The following ZSWIM6 variants were observed in gnomAD, a reference collection of about 807,000 sequenced individuals.
The protein encoded by ZSWIM6 is zinc finger SWIM-type containing 6, also known as zinc finger SWIM domain-containing protein 6.
ZSWIM6 carries 9 observed loss-of-function variants against 113.2 expected under a neutral mutation model. The ratio of observed to expected loss-of-function variants is 0.08; its 90% CI spans 0.05 to 0.14. ZSWIM6 has a LOEUF of 0.14. ZSWIM6 is among the 10% of genes least tolerant of loss of function. The pLI is 1.00. For missense variants in ZSWIM6, 1,162 were observed against 1,552.2 expected (o/e 0.75, Z 4.22); for synonymous variants, 611 against 606.5 (o/e 1.01, Z -0.11).
chr5:61,452,645 C>T (rs1747109524), intron 1 of ZSWIM6, among the ~76,000 whole-genome samples: 1 of 152,098 alleles, frequency 6.6e-6, no homozygotes, highest in Non-Finnish European at 1.5e-5. Flanking sequence ...AGAGAGTTCC[C>T]ATATACTCTT....
At chr5:61,452,996 C>T (rs1302575722) in intron 1 of ZSWIM6, among the ~76,000 whole-genome samples, 1 of 152,134 alleles carries the variant, frequency 6.6e-6, no homozygotes, top group African/African-American at 2.4e-5. Context: ...TAGATTGAGA[C>T]TGTGTGATTT....
chr5:61,332,706 G>A lies in ZSWIM6; in HGVS notation c.434G>A (p.Gly145Asp), dbSNP rs1339874240. 1 of 971,998 alleles carries A rather than the reference G, an allele frequency of 1.0e-6. No individual in the cohort carries two copies. Among genetic ancestry groups the A allele is most frequent in the Non-Finnish European group, 1.2e-6 (1 of 823,200 alleles). The allele number at this position is 971,998 out of a possible 1,614,324, so 60.2% of individuals were successfully genotyped here. The change falls in exon 1 of 14, where the codon GGC becomes GAC. Residue 145 changes from glycine to aspartate, a missense_variant. Coordinates refer to ENST00000252744, the MANE Select transcript of ZSWIM6 (RefSeq NM_020928.2). ...CCCGGCGACGACAGCGGTGGCGGCG[G>A]CGGCGCGGGCGGCGGCGGCGGCGGC... ...GGPGDDSGGG[G>D]GAGGGGGGGS...
At chr5:61,432,256 A>G (rs1387474710) in intron 1 of ZSWIM6, among the ~76,000 whole-genome samples, 2 of 152,240 alleles carry the variant, frequency 1.3e-5, no homozygotes, top group African/African-American at 4.8e-5. Flanking sequence ...ACAATTGTGT[A>G]TACACAACCG....
chr5:61,347,730 T>C (rs988622185), intron 1 of ZSWIM6: 1 of 152,212 alleles, frequency 6.6e-6, no homozygotes, highest in African/African-American at 2.4e-5. Flanking sequence ...GAAAACTGTA[T>C]TGTTTGTGAA....
chr5:61,412,050 A>G (rs1746158512), intron 1 of ZSWIM6, among the ~76,000 whole-genome samples: 1 of 152,234 alleles, frequency 6.6e-6, no homozygotes, highest in African/African-American at 2.4e-5. Flanking sequence ...TGAAAAATTG[A>G]TCTTTGTTAT....
intron 4 of ZSWIM6, among the ~76,000 whole-genome samples, chr5:61,502,184 C>T (rs1264664887): frequency 6.6e-6 from 1 of 152,124 alleles, no homozygotes; most frequent in African/African-American, 2.4e-5. Flanking sequence ...TTCCCAGGGG[C>T]TTCACAGAGA....
chr5:61,404,033 A>T (rs1745994935), intron 1 of ZSWIM6, among the ~76,000 whole-genome samples: 4 of 148,110 alleles, frequency 2.7e-5, no homozygotes, highest in Admixed American at 2.0e-4. Context: ...TTTGAGACGG[A>T]GTCTCGCTCT....
At position 61,546,043 on chromosome 5, in the gene ZSWIM6, C is replaced by T. The variant is rs1749880047; in HGVS notation, c.*1726C>T. 1 of 152,098 alleles carries T rather than the reference C, an allele frequency of 6.6e-6. No homozygotes were observed. Among genetic ancestry groups the T allele is most frequent in the Non-Finnish European group, 1.5e-5 (1 of 68,022 alleles). 9.4% of individuals were successfully genotyped at this position (152,098 alleles called of 1,614,324 possible). ...AATTCATCACCCATGTAAACATGCT[C>T]ATGAAGTTGAAAGTAATTAAGATTT... On this transcript the variant is annotated 3_prime_UTR_variant, in exon 14 of 14. Transcript: ENST00000252744.
At chr5:61,491,860 A>G (rs761623637) in intron 3 of ZSWIM6, among the ~76,000 whole-genome samples, 18 of 152,002 alleles carry the variant, frequency 1.2e-4, no homozygotes, top group Non-Finnish European at 1.9e-4. Context: ...GTTACTGGGT[A>G]TGGCCAGGAA....
At chr5:61,390,919 CA>C in intron 1 of ZSWIM6, 1 of 845,166 alleles carries the variant, frequency 1.2e-6, no homozygotes. Context: ...CCATAGTGGA[CA>C]AAGGCCCCCA....
At chr5:61,366,529 C>T (rs1445360703) in intron 1 of ZSWIM6, among the ~76,000 whole-genome samples, 2 of 152,252 alleles carry the variant, frequency 1.3e-5, no homozygotes, top group Non-Finnish European at 2.9e-5. Flanking sequence ...GACCCAGAAT[C>T]TTCTCTTAGA....
At chr5:61,383,578 C>A (rs73107409) in intron 1 of ZSWIM6, among the ~76,000 whole-genome samples, 12,255 of 151,928 alleles carry the variant, frequency 0.081, 719 homozygotes, top group South Asian at 0.19. Context: ...CTCTGTTGCC[C>A]AGGCTGGAGT....
intron 4 of ZSWIM6, among the ~76,000 whole-genome samples, chr5:61,502,156 G>A (rs1424694059): frequency 2.0e-5 from 3 of 152,122 alleles, no homozygotes; most frequent in Non-Finnish European, 2.9e-5. Context: ...GAGAAGCTTC[G>A]TTTTAAGCCA....
intron 1 of ZSWIM6, among the ~76,000 whole-genome samples, chr5:61,439,503 A>G (rs1274128332): frequency 2.6e-5 from 4 of 152,364 alleles, no homozygotes; most frequent in South Asian, 2.1e-4. Flanking sequence ...AAACATGTCA[A>G]CAGTTAAACA....
intron 1 of ZSWIM6, among the ~76,000 whole-genome samples, chr5:61,394,335 A>C (rs1745794379): frequency 3.3e-5 from 5 of 152,180 alleles, no homozygotes; most frequent in Admixed American, 3.3e-4. Context: ...CTGGGCTGTC[A>C]GGCAGTGTCT....
At chr5:61,391,031 T>C in intron 1 of ZSWIM6, 3 of 747,950 alleles carry the variant, frequency 4.0e-6, no homozygotes, top group South Asian at 1.4e-5. Context: ...TAGATCTTGT[T>C]GATCTCAGTG....
Position 61,544,222 on chromosome 5 carries a change from G to T in ZSWIM6, c.3553G>T (p.Gly1185Ter). 1 of 1,551,478 alleles carries T rather than the reference G, an allele frequency of 6.4e-7. No homozygotes were observed. Among genetic ancestry groups the T allele is most frequent in the South Asian group, 1.2e-5 (1 of 84,046 alleles). Residue 1185 changes from glycine to a stop codon, truncating the protein, a stop_gained, in exon 14 of 14, where the codon GGA becomes TGA. Coordinates refer to ENST00000252744, the MANE Select transcript of ZSWIM6 (RefSeq NM_020928.2). LOFTEE classifies it high-confidence loss of function. ...AGAGACCTTCTTAATGGCGCATGAT[G>T]GACACATTCAGTTTACACAGTTTAT... is the stretch of plus-strand genomic sequence containing the variant. The part of the protein sequence containing the change: ...ARETFLMAHD[G>*]HIQFTQFIDN...
In ZSWIM6 at chr5:61,420,094, A is replaced by G. The variant is rs535811873; in HGVS notation, c.677-52587A>G. Among the ~76,000 whole-genome samples, 29 of 152,368 alleles carry G rather than the reference A, an allele frequency of 1.9e-4. 1 individual carries two copies. The South Asian group carries it at 5.4e-3, about 28-fold the overall frequency. On this transcript the variant is annotated intron_variant, in intron 1 of 13. Coordinates refer to ENST00000252744, the MANE Select transcript of ZSWIM6 (RefSeq NM_020928.2). ...TTTATAAACTGTAAAATCTATTCAG[A>G]TATTTTTATGGTTATTTTAGGAACA...
chr5:61,539,470 C>A (rs1749672228), intron 11 of ZSWIM6, 126 bp from the exon 12 acceptor site: 2 of 1,153,444 alleles, frequency 1.7e-6, no homozygotes, highest in African/African-American at 1.6e-5. Flanking sequence ...TTAACTTGTG[C>A]TTTATGTTTT....
Sources: allele counts gnomAD v4.1 joint callset (sites outside exome capture counted in the v4.1 genomes callset), GRCh38; gene constraint gnomAD v4.1.1; transcripts MANE v1.5; gene names NCBI Gene and HGNC (gene_info 2026-07-23, HGNC 2026-07-21).